ARAP2: variants seen among roughly 807,000 people sequenced by gnomAD.
ARAP2 encodes the protein ArfGAP with RhoGAP domain, ankyrin repeat and PH domain 2.
In ARAP2, 148 loss-of-function variants were observed where a neutral mutation model predicts 194.5. That is an observed-to-expected ratio of 0.76 (90% CI 0.67 to 0.87). The LOEUF is 0.87. ARAP2 is among the 40% of genes least tolerant of loss of function. ARAP2 has a pLI of 0.00. For synonymous variants in ARAP2, 695 were observed against 683.5 expected (o/e 1.02, Z -0.26); for missense variants, 2,128 against 1,989.7 (o/e 1.07, Z -1.32).
At chr4:36,068,421 T>A in intron 32 of ARAP2, 143 bp from the exon 33 acceptor site, 1 of 866,064 alleles carries the variant, frequency 1.2e-6, no homozygotes, top group Non-Finnish European at 1.6e-6. Flanking sequence ...TCGATACAAG[T>A]GGCATGTCTG....
chr4:36,145,703 T>C (rs566956154), intron 19 of ARAP2, among the ~76,000 whole-genome samples: 1 of 152,036 alleles, frequency 6.6e-6, no homozygotes, highest in East Asian at 1.9e-4. Context: ...TAAAAGAAAC[T>C]GTCTTCCTTA....
At chr4:36,010,752 A>C (rs1714349735) in intron 9 of ARAP2, among the ~76,000 whole-genome samples, 1 of 152,070 alleles carries the variant, frequency 6.6e-6, no homozygotes, top group South Asian at 2.1e-4. Flanking sequence ...ATAATCATTA[A>C]TCCTCTTCCC....
chr4:36,073,936 A>G (rs1727644134), intron 31 of ARAP2, 113 bp from the exon 32 acceptor site: 8 of 1,312,512 alleles, frequency 6.1e-6, no homozygotes, highest in Admixed American at 2.0e-5. Flanking sequence ...TCTGATTTCC[A>G]TGAGAATTCC....
At chr4:36,145,623 C>T (rs755325047) in intron 19 of ARAP2, among the ~76,000 whole-genome samples, 20 of 151,924 alleles carry the variant, frequency 1.3e-4, no homozygotes, top group Admixed American at 2.6e-4. Context: ...AACCCTAGCA[C>T]TACACAATAT....
At chr4:36,168,376 A>G (rs996437451) in intron 9 of ARAP2, among the ~76,000 whole-genome samples, 6 of 152,212 alleles carry the variant, frequency 3.9e-5, no homozygotes, top group Non-Finnish European at 8.8e-5. Context: ...AGGATGCGAA[A>G]GTGAGGACAA....
chr4:36,051,041 T>C (rs1722576832), intron 3 of ARAP2, among the ~76,000 whole-genome samples: 1 of 152,230 alleles, frequency 6.6e-6, no homozygotes, highest in Non-Finnish European at 1.5e-5. Context: ...CTATCTCACG[T>C]ATCATGAAGA....
chr4:36,236,921 A>G lies in ARAP2; in HGVS notation c.-160+7258T>C, dbSNP rs117559785. ...TGATCAGTTCTCAATATGGTACCCAACACTACGGATGATAAAAGAGAAAAG... is the reference window on the plus strand; with the variant it reads ...TGATCAGTTCTCAATATGGTACCCAGCACTACGGATGATAAAAGAGAAAAG... On this transcript the variant is annotated intron_variant, in intron 1 of 32. Coordinates refer to ENST00000303965, the MANE Select transcript of ARAP2 (RefSeq NM_015230.4). 1.7e-4 allele frequency among the ~76,000 whole-genome samples: 26 copies of G among 152,322 alleles called. No individual in the cohort carries two copies. The East Asian group carries it at 4.0e-3, about 24-fold the overall frequency.
intron 5 of ARAP2, among the ~76,000 whole-genome samples, chr4:36,027,003 T>G (rs1718028748): frequency 6.6e-6 from 1 of 152,232 alleles, no homozygotes. Context: ...TTAGTTGTCT[T>G]GCTTTGCCTG....
intron 15 of ARAP2, among the ~76,000 whole-genome samples, chr4:36,156,385 G>T (rs1172613313): frequency 6.3e-3 from 39 of 6,196 alleles, no homozygotes; most frequent in Non-Finnish European, 0.01. Flanking sequence ...GGGAAAGAGA[G>T]AGAGAGAAAG....
intron 8 of ARAP2, 38 bp from the exon 9 acceptor site, chr4:36,178,043 T>C (rs748598994): frequency 6.5e-7 from 1 of 1,535,992 alleles, no homozygotes. Context: ...TAAATCCACA[T>C]ATAAGTTACA....
intron 6 of ARAP2, among the ~76,000 whole-genome samples, chr4:36,197,156 T>C (rs75061961): frequency 0.32 from 48,880 of 151,660 alleles, 9,092 homozygotes; most frequent in East Asian, 0.6. Context: ...GACATACTTA[T>C]GGGGTAAATG....
intron 10 of ARAP2, chr4:36,006,772 CAAG>C (rs1713364060): frequency 6.6e-6 from 1 of 151,960 alleles, no homozygotes; most frequent in Admixed American, 6.6e-5. Context: ...TTTGCAAATT[CAAG>C]AGGAAGTGAC....
At chr4:36,042,733 TC>T (rs1721071155) in intron 5 of ARAP2, among the ~76,000 whole-genome samples, 1 of 152,210 alleles carries the variant, frequency 6.6e-6, no homozygotes, top group Non-Finnish European at 1.5e-5. Flanking sequence ...ACTTAACATC[TC>T]CTTTGTGGAT....
At position 36,124,904 on chromosome 4, in the gene ARAP2, A is replaced by G. The variant is rs1435772194; in HGVS notation, c.3704T>C (p.Val1235Ala). 3.7e-6 allele frequency: 6 copies of G among 1,610,892 alleles called. No individual in the cohort carries two copies. The African/African-American group carries it at 5.4e-5, about 14-fold the overall frequency. ...GATAGCTGCTAGTGTTGCTCGGTTG[A>G]CCCCTGGAAGAGAACGTATAAATGC... is the stretch of plus-strand genomic sequence containing the variant. ...YGAFIRSLPG[V>A]NRATLAAIIE... The change falls in exon 22 of 33, where the codon GTC becomes GCC. Residue 1235 changes from valine (V) to alanine (A), a missense_variant. Coordinates refer to ENST00000303965, the MANE Select transcript of ARAP2 (RefSeq NM_015230.4).
chr4:36,051,796 GA>G (rs1284844122), intron 3 of ARAP2, among the ~76,000 whole-genome samples: 2 of 152,132 alleles, frequency 1.3e-5, no homozygotes, highest in East Asian at 3.8e-4. Flanking sequence ...ATGGTACAAT[GA>G]GCTTAACTAT....
downstream of ARAP2, among the ~76,000 whole-genome samples, chr4:36,063,074 G>T (rs1724723438): frequency 6.6e-6 from 1 of 152,068 alleles, no homozygotes; most frequent in Non-Finnish European, 1.5e-5. Flanking sequence ...TGTTAAAGGG[G>T]TCTTTACCTA....
At chr4:36,051,762 A>G (rs1490553130) in intron 3 of ARAP2, among the ~76,000 whole-genome samples, 1 of 152,188 alleles carries the variant, frequency 6.6e-6, no homozygotes, top group Non-Finnish European at 1.5e-5. Context: ...AAATCTACTT[A>G]AACGGTCAAG....
chr4:36,018,019 T>C (rs1185717100), intron 6 of ARAP2, among the ~76,000 whole-genome samples: 4 of 152,162 alleles, frequency 2.6e-5, no homozygotes, highest in Non-Finnish European at 5.9e-5. Flanking sequence ...GTGTTGAATG[T>C]ATTTACTGTA....
At chr4:36,184,813 C>A (rs977802866) in intron 8 of ARAP2, among the ~76,000 whole-genome samples, 3 of 152,104 alleles carry the variant, frequency 2.0e-5, no homozygotes, top group African/African-American at 7.2e-5. Context: ...GGAAACCAAA[C>A]CATAAGGAAA....
Sources: gnomAD v4.1 joint callset for allele counts (sites outside exome capture counted in the v4.1 genomes callset) on GRCh38, gnomAD v4.1.1 for gene constraint, MANE v1.5 for transcripts, NCBI Gene and HGNC (gene_info 2026-07-23, HGNC 2026-07-21) for gene names.